EVA1C: variants seen among roughly 807,000 people sequenced by gnomAD.
EVA1C encodes the protein protein eva-1 homolog C.
A neutral mutation model predicts 45.4 loss-of-function variants in EVA1C; 25 were observed. The ratio of observed to expected loss-of-function variants is 0.55; its 90% CI spans 0.40 to 0.77. The LOEUF is 0.77. Among genes scored for constraint, EVA1C ranks in the 30% least tolerant of loss-of-function variants. The pLI, the probability that EVA1C is intolerant of heterozygous loss-of-function variation, is 0.00. For missense variants in EVA1C, 479 were observed against 554.8 expected, an observed-to-expected ratio of 0.86 and a Z score of 1.37; for synonymous variants, 190 against 221.2, an observed-to-expected ratio of 0.86 and a Z score of 1.25.
At chr21:32,429,556 G>A (rs548916910) in intron 1 of EVA1C, among the ~76,000 whole-genome samples, 1 of 151,768 alleles carries the variant, frequency 6.6e-6, no homozygotes, top group East Asian at 1.9e-4. Flanking sequence ...GTTTCACCAT[G>A]TTGGCCAGGC....
chr21:32,448,799 C>T (rs2146229761), intron 1 of EVA1C, among the ~76,000 whole-genome samples: 1 of 151,856 alleles, frequency 6.6e-6, no homozygotes, highest in Non-Finnish European at 1.5e-5. Context: ...ATCCTAGCTA[C>T]TTGGGAGGCT....
At chr21:32,447,995 G>A (rs1168749583) in intron 1 of EVA1C, among the ~76,000 whole-genome samples, 4 of 152,114 alleles carry the variant, frequency 2.6e-5, no homozygotes, top group Admixed American at 6.5e-5. Context: ...GTGAGCCACC[G>A]CGCCTGGCCC....
chr21:32,446,127 C>A (rs903994432), intron 1 of EVA1C, among the ~76,000 whole-genome samples: 1 of 152,078 alleles, frequency 6.6e-6, no homozygotes, highest in African/African-American at 2.4e-5. Flanking sequence ...CCTGTAGTCC[C>A]AGCTACTCGG....
At chr21:32,416,605 A>G (rs2034059068) in intron 1 of EVA1C, among the ~76,000 whole-genome samples, 1 of 152,054 alleles carries the variant, frequency 6.6e-6, no homozygotes, top group African/African-American at 2.4e-5. Context: ...CTGGGATTAT[A>G]GGCATGAGCC....
At chr21:32,499,382 C>T (rs1601036211) in intron 5 of EVA1C, among the ~76,000 whole-genome samples, 1 of 152,184 alleles carries the variant, frequency 6.6e-6, no homozygotes, top group African/African-American at 2.4e-5. Context: ...CAGTGGTGTG[C>T]CCCAAGGACA....
At chr21:32,459,782 G>A (rs547254742) in intron 3 of EVA1C, among the ~76,000 whole-genome samples, 13 of 151,030 alleles carry the variant, frequency 8.6e-5, no homozygotes, top group Admixed American at 4.6e-4. Context: ...CAGAGGTTGC[G>A]GTGAGCCGAG....
intron 1 of EVA1C, among the ~76,000 whole-genome samples, chr21:32,447,288 G>A (rs1351720849): frequency 6.6e-6 from 1 of 151,794 alleles, no homozygotes; most frequent in Non-Finnish European, 1.5e-5. Context: ...AGAACTGCTT[G>A]AACCAGGGAG....
At chr21:32,416,326 T>TCTTTTTC (rs11399321) in intron 1 of EVA1C, among the ~76,000 whole-genome samples, 5 of 131,442 alleles carry the variant, frequency 3.8e-5, no homozygotes, top group African/African-American at 1.6e-4. Flanking sequence ...TTTTTCTTTT[T>TCTTTTTC]TTTTTTTTTT....
At chr21:32,504,831 T>C (rs1226480891) in intron 7 of EVA1C, among the ~76,000 whole-genome samples, 1 of 152,064 alleles carries the variant, frequency 6.6e-6, no homozygotes, top group African/African-American at 2.4e-5. Context: ...TCTGTTCTCA[T>C]GCTATTAATA....
At chr21:32,468,323 CGT>C (rs2036252651) in intron 4 of EVA1C, among the ~76,000 whole-genome samples, 1 of 151,652 alleles carries the variant, frequency 6.6e-6, no homozygotes, top group Non-Finnish European at 1.5e-5. Context: ...GAGCCGAGAT[CGT>C]GCCATTATTG....
At chr21:32,448,916 G>GAAAGAAAGAAAAAAAGAGAGAA (rs60517808) in intron 1 of EVA1C, among the ~76,000 whole-genome samples, 1 of 145,940 alleles carries the variant, frequency 6.9e-6, no homozygotes, top group African/African-American at 2.6e-5. Context: ...AAGGAGAAAA[G>GAAAGAAAGAAAAAAAGAGAGAA]AGAGAAAGAA....
chr21:32,514,633 T>A (rs1308228087), intron 7 of EVA1C, among the ~76,000 whole-genome samples, 181 bp from the exon 8 acceptor site: 1 of 152,142 alleles, frequency 6.6e-6, no homozygotes, highest in Non-Finnish European at 1.5e-5. Context: ...GCGCAAAAGC[T>A]TTTTTGAAAA....
At chr21:32,444,707 A>C (rs1355267193) in intron 1 of EVA1C, among the ~76,000 whole-genome samples, 1 of 152,108 alleles carries the variant, frequency 6.6e-6, no homozygotes, top group Non-Finnish European at 1.5e-5. Context: ...CTCTCCCTGG[A>C]AGTTGGGGTT....
intron 1 of EVA1C, among the ~76,000 whole-genome samples, chr21:32,432,875 T>G (rs1601238489): frequency 6.6e-6 from 1 of 152,042 alleles, no homozygotes; most frequent in South Asian, 2.1e-4. Context: ...TGTGCACCAC[T>G]GCATGTGGCT....
chr21:32,494,053 G>A (rs975323920), intron 4 of EVA1C, among the ~76,000 whole-genome samples: 6 of 152,076 alleles, frequency 3.9e-5, no homozygotes, highest in Admixed American at 6.5e-5. Flanking sequence ...GCCTGCCTCC[G>A]CCTCCCAAAG....
intron 5 of EVA1C, among the ~76,000 whole-genome samples, 180 bp from the exon 6 acceptor site, chr21:32,501,235 T>A (rs1324217546): frequency 4.5e-5 from 1 of 22,184 alleles, no homozygotes; most frequent in Non-Finnish European, 7.8e-5. Context: ...CATTTGATGA[T>A]CACATGGATA....
At chr21:32,478,503 G>A (rs1324370774) in intron 4 of EVA1C, among the ~76,000 whole-genome samples, 1 of 152,236 alleles carries the variant, frequency 6.6e-6, no homozygotes, top group Non-Finnish European at 1.5e-5. Context: ...TTTCAGGCAT[G>A]AGCCACCGTG....
At position 32,453,339 on chromosome 21, in the gene EVA1C, A is replaced by T. The variant is rs1383617965; in HGVS notation, c.188A>T (p.His63Leu). 3 of 1,598,438 alleles carry T rather than the reference A, an allele frequency of 1.9e-6. No homozygotes were observed. Among genetic ancestry groups the T allele is most frequent in the Non-Finnish European group, 2.6e-6 (3 of 1,168,750 alleles). ...SGYLTKLLQNHTTYACDGDYL... is the reference protein window; with the variant it reads ...SGYLTKLLQNLTTYACDGDYL... The stretch of plus-strand genomic sequence containing the variant: ...TACCTAACCAAACTCCTGCAAAACC[A>T]CACCACCTATGCCTGTGATGGGGAC... Residue 63 changes from histidine (H) to leucine (L), a missense_variant, in exon 2 of 8, where the codon CAC (histidine) becomes CTC (leucine). Coordinates refer to ENST00000300255, the MANE Select transcript of EVA1C (RefSeq NM_058187.5).
Position 32,515,065 on chromosome 21 carries a change from T to C in EVA1C, c.1201T>C (p.Tyr401His), listed in dbSNP as rs772949791. The C allele has an allele frequency of 1.1e-5, 18 of 1,614,038 alleles. No homozygotes were observed. The Admixed American group carries it at 2.7e-4, about 24-fold the overall frequency. The change falls in exon 8 of 8, where the codon TAC becomes CAC. Residue 401 changes from tyrosine (Y) to histidine (H), a missense_variant. Physicochemically the swap from Tyr to His is moderately conservative, Grantham distance 83 (BLOSUM62 2). Around this residue, in one of 3 missense-constraint regions of EVA1C, gnomAD observed 366 missense variants for 426.1 expected, o/e 0.86. Transcript: ENST00000300255. ...SGFCRTSYPI[Y>H]SSIEAAELAE... ...GTTCTGTAGGACTTCATATCCTATA[T>C]ACAGTTCCATAGAAGCTGCAGAGCT... is the stretch of plus-strand genomic sequence containing the variant.
Sources: gnomAD v4.1 joint callset for allele counts (sites outside exome capture counted in the v4.1 genomes callset) on GRCh38, gnomAD v4.1.1 for gene constraint, gnomAD v4.1.1 regional missense constraint, MANE v1.5 for transcripts, NCBI Gene and HGNC (gene_info 2026-07-23, HGNC 2026-07-21) for gene names.